The following EFCAB13 variants were observed in gnomAD, a reference collection of about 807,000 sequenced individuals.
EFCAB13 encodes EF-hand calcium-binding domain-containing protein 13.
Under a neutral mutation model 110.2 loss-of-function variants are expected in EFCAB13, and 91 were observed. That is an observed-to-expected ratio of 0.83 (90% confidence interval 0.70 to 0.98). The LOEUF (loss-of-function observed/expected upper bound fraction) is 0.98, where lower values mean the gene tolerates loss of function less well. Among genes scored for constraint, EFCAB13 ranks in the 50% least tolerant of loss-of-function variants. The pLI is 0.00. For synonymous variants in EFCAB13, 323 were observed against 369.9 expected (o/e 0.87, Z 1.45); for missense variants, 968 against 1,119.4 (o/e 0.86, Z 1.93).
chr17:47,331,514 C>T (rs905558620), intron 4 of EFCAB13, among the ~76,000 whole-genome samples: 2 of 151,902 alleles, frequency 1.3e-5, no homozygotes, highest in African/African-American at 4.8e-5. Context: ...CACAGCTTAC[C>T]CTGCTATCAA....
intron 8 of EFCAB13, among the ~76,000 whole-genome samples, chr17:47,345,724 C>T (rs2065411302): frequency 6.6e-6 from 1 of 152,190 alleles, no homozygotes; most frequent in African/African-American, 2.4e-5. Context: ...TCTTCACTCA[C>T]AATCTCTTAT....
Position 47,414,889 on chromosome 17 carries a change from AAAG to A in EFCAB13, c.2467_2469del (p.Glu823del). 6.2e-7 allele frequency: 1 copy of A among 1,607,922 alleles called. No individual in the cohort carries two copies. Among genetic ancestry groups the A allele is most frequent in the Non-Finnish European group, 8.5e-7 (1 of 1,175,910 alleles). On this transcript the variant is annotated inframe_deletion, in exon 23 of 25. Coordinates refer to ENST00000331493, the MANE Select transcript of EFCAB13 (RefSeq NM_152347.5). The stretch of plus-strand genomic sequence containing the variant: ...TTTAAAAGATTTCTTAATGAAAATG[AAAG>A]AAAGTCCACATTTCCAAAAGTCCAA...
At position 47,440,841 on chromosome 17, in the gene EFCAB13, T is replaced by A; in HGVS notation, c.*127T>A. ...ACAAATCCAGTAGAATTTTTATCAC[T>A]ATCTGTTATGTTCTCATGTATCTTC... On this transcript the variant is annotated 3_prime_UTR_variant, in exon 25 of 25. Transcript: ENST00000331493. 1.3e-6 allele frequency: 1 copy of A among 742,418 alleles called. No homozygotes were observed. Among genetic ancestry groups the A allele is most frequent in the Non-Finnish European group, 2.1e-6 (1 of 484,814 alleles). 46.0% of individuals were successfully genotyped at this position (742,418 alleles called of 1,614,324 possible).
intron 9 of EFCAB13, among the ~76,000 whole-genome samples, chr17:47,349,446 A>G (rs2065435758): frequency 1.3e-5 from 2 of 152,216 alleles, no homozygotes; most frequent in Admixed American, 1.3e-4. Context: ...TATCTACAGT[A>G]CTAGTCCCAT....
At chr17:47,430,390 C>T (rs986347742) in intron 24 of EFCAB13, 2 of 179,470 alleles carry the variant, frequency 1.1e-5, no homozygotes, top group Admixed American at 6.5e-5. Context: ...AATAATTTTA[C>T]TATTTTAATG....
chr17:47,433,919 A>G (rs1348334234), intron 24 of EFCAB13, among the ~76,000 whole-genome samples: 1 of 152,158 alleles, frequency 6.6e-6, no homozygotes, highest in African/African-American at 2.4e-5. Context: ...CAAAACAAAT[A>G]TGACAAAATG....
chr17:47,364,621 A>T (rs540699761), intron 10 of EFCAB13, among the ~76,000 whole-genome samples: 2 of 152,156 alleles, frequency 1.3e-5, no homozygotes, highest in Non-Finnish European at 2.9e-5. Context: ...TCCCTATCTT[A>T]GTCCAAGTTC....
Position 47,374,662 on chromosome 17 carries a change from A to G in EFCAB13, c.1068A>G (p.Glu356=). 6.2e-7 allele frequency: 1 copy of G among 1,610,982 alleles called. No homozygotes were observed. Among genetic ancestry groups the G allele is most frequent in the East Asian group, 2.2e-5 (1 of 44,840 alleles). ...AAATTATGGAGAATGATGACCTTGA[A>G]TCTAAAAGACCAAAAAATACTTGGC... is the stretch of plus-strand genomic sequence containing the variant. The part of the protein sequence containing the change: ...YSKIMENDDL[E]SKRPKNTWQI... The change falls in exon 12 of 25, where the codon GAA becomes GAG. Residue 356 remains glutamate (E), a synonymous_variant. Transcript: ENST00000331493.
At chr17:47,391,359 A>G (rs2065706537) in intron 14 of EFCAB13, 78 bp from the exon 15 acceptor site, 1 of 1,123,326 alleles carries the variant, frequency 8.9e-7, no homozygotes, top group Non-Finnish European at 1.2e-6. Flanking sequence ...TTAGTGTTAG[A>G]ACTAAAATTC....
At chr17:47,397,358 G>A (rs1369348880) in intron 17 of EFCAB13, among the ~76,000 whole-genome samples, 1 of 151,960 alleles carries the variant, frequency 6.6e-6, no homozygotes, top group Admixed American at 6.6e-5. Flanking sequence ...ATCTCGGCTC[G>A]CTACAACCTC....
At chr17:47,421,181 T>C (rs1204988250) in intron 23 of EFCAB13, among the ~76,000 whole-genome samples, 2 of 151,716 alleles carry the variant, frequency 1.3e-5, no homozygotes, top group Admixed American at 1.3e-4. Flanking sequence ...ATGATGACAA[T>C]GGCGGTTTTG....
In EFCAB13 at chr17:47,409,111, A is replaced by G. The variant is rs75162491; in HGVS notation, c.2234-536A>G. ...TTCTTTAATACAATAGAGTCCATCT[A>G]TGCAAATGGACAGATTTTATTTCTA... On this transcript the variant is annotated intron_variant, in intron 20 of 24. Transcript: ENST00000331493. 6.6e-4 allele frequency among the ~76,000 whole-genome samples: 100 copies of G among 152,322 alleles called. 1 individual carries two copies. In the East Asian group the frequency reaches 0.014, roughly 21 times the overall value.
chr17:47,332,093 A>G (rs2065322742), intron 4 of EFCAB13, among the ~76,000 whole-genome samples: 1 of 152,112 alleles, frequency 6.6e-6, no homozygotes, highest in African/African-American at 2.4e-5. Context: ...AACAAGTGCA[A>G]TAGTTGGATT....
At chr17:47,346,852 C>T (rs1220084479) in intron 8 of EFCAB13, among the ~76,000 whole-genome samples, 1 of 152,134 alleles carries the variant, frequency 6.6e-6, no homozygotes. Context: ...TCATTAGTTG[C>T]TGAATTTTCT....
At chr17:47,362,501 C>G (rs2065520481) in intron 10 of EFCAB13, among the ~76,000 whole-genome samples, 1 of 152,174 alleles carries the variant, frequency 6.6e-6, no homozygotes, top group South Asian at 2.1e-4. Flanking sequence ...AAGGCAGTCT[C>G]CCTTTCCCCG....
chr17:47,383,520 C>T (rs533774947), intron 14 of EFCAB13, among the ~76,000 whole-genome samples: 55 of 152,244 alleles, frequency 3.6e-4, no homozygotes, highest in African/African-American at 1.2e-3. Flanking sequence ...TTTATTTCTG[C>T]CTTCATTTCA....
intron 14 of EFCAB13, among the ~76,000 whole-genome samples, chr17:47,390,914 G>GTCTTATCTGTCTA (rs150041083): frequency 6.7e-6 from 1 of 150,150 alleles, no homozygotes; most frequent in South Asian, 2.1e-4. Context: ...GTGTCTGTCT[G>GTCTTATCTGTCTA]TCTATCTATC....
At chr17:47,325,146 G>A (rs2065274504) in intron 2 of EFCAB13, among the ~76,000 whole-genome samples, 1 of 148,276 alleles carries the variant, frequency 6.7e-6, no homozygotes, top group Admixed American at 6.7e-5. Flanking sequence ...TCAGTCTTTG[G>A]AGTAGCTGGG....
At chr17:47,406,671 T>C (rs1347268445) in intron 20 of EFCAB13, among the ~76,000 whole-genome samples, 1 of 152,222 alleles carries the variant, frequency 6.6e-6, no homozygotes, top group Non-Finnish European at 1.5e-5. Flanking sequence ...AGTAGCTCAT[T>C]CTATAATTTT....
Sources: gnomAD v4.1 joint callset for allele counts (sites outside exome capture counted in the v4.1 genomes callset) on GRCh38, gnomAD v4.1.1 for gene constraint, MANE v1.5 for transcripts, NCBI Gene and HGNC (gene_info 2026-07-23, HGNC 2026-07-21) for gene names.